Variants in RNF38 observed in about 807,000 individuals in gnomAD.
RNF38 encodes the protein ring finger protein 38.
A neutral mutation model predicts 67.2 loss-of-function variants in RNF38; 15 were observed. That is an observed-to-expected ratio of 0.22 (90% confidence interval 0.15 to 0.34). RNF38 has a LOEUF of 0.34. RNF38 is among the 10% of genes least tolerant of loss of function. RNF38 has a pLI of 1.00. For synonymous variants in RNF38, 220 were observed against 218.8 expected (o/e 1.01, Z -0.05); for missense variants, 524 against 639.9 (o/e 0.82, Z 1.95).
At chr9:36,479,111 T>C (rs904860009) in intron 1 of RNF38, among the ~76,000 whole-genome samples, 3 of 152,174 alleles carry the variant, frequency 2.0e-5, no homozygotes, top group African/African-American at 4.8e-5. Context: ...CGCTCCATTA[T>C]CCACTTTTGG....
upstream of RNF38, among the ~76,000 whole-genome samples, chr9:36,403,513 ACT>A (rs917301507): frequency 1.3e-5 from 2 of 152,150 alleles, no homozygotes; most frequent in African/African-American, 4.8e-5. Context: ...GAGAATTCTG[ACT>A]CTGAGGCTCC....
At chr9:36,454,651 C>T (rs529211422) in intron 1 of RNF38, among the ~76,000 whole-genome samples, 15 of 141,972 alleles carry the variant, frequency 1.1e-4, no homozygotes, top group South Asian at 2.2e-4. Context: ...GGCACAATCT[C>T]GGCTCACTGC....
At chr9:36,343,695 G>T (rs761223284) in intron 10 of RNF38, among the ~76,000 whole-genome samples, 3 of 151,962 alleles carry the variant, frequency 2.0e-5, no homozygotes, top group African/African-American at 7.3e-5. Flanking sequence ...AAAAAAATAT[G>T]ATCTATACAA....
At chr9:36,388,162 G>A (rs59914094) in intron 2 of RNF38, among the ~76,000 whole-genome samples, 3 of 152,012 alleles carry the variant, frequency 2.0e-5, no homozygotes, top group East Asian at 1.9e-4. Flanking sequence ...AGAGATGTAC[G>A]TGAGGCACAA....
chr9:36,456,012 T>G (rs1406291945), intron 1 of RNF38, among the ~76,000 whole-genome samples: 1 of 152,176 alleles, frequency 6.6e-6, no homozygotes, highest in African/African-American at 2.4e-5. Flanking sequence ...CCCATTTCTT[T>G]CTAGCATCAG....
intron 1 of RNF38, among the ~76,000 whole-genome samples, chr9:36,433,523 T>G (rs962979477): frequency 1.3e-5 from 2 of 151,666 alleles, no homozygotes; most frequent in Non-Finnish European, 2.9e-5. Context: ...GCAGATCACT[T>G]GAGGTCAGGA....
intron 4 of RNF38, among the ~76,000 whole-genome samples, chr9:36,368,031 T>C (rs1835108035): frequency 6.6e-6 from 1 of 152,136 alleles, no homozygotes; most frequent in Non-Finnish European, 1.5e-5. Context: ...TTTTGTATTT[T>C]TAGTAGAGAC....
chr9:36,460,483 G>T (rs1425592585), intron 1 of RNF38, among the ~76,000 whole-genome samples: 1 of 152,162 alleles, frequency 6.6e-6, no homozygotes, highest in African/African-American at 2.4e-5. Flanking sequence ...GGTTGATCCA[G>T]AAAGTAAGGT....
chr9:36,393,477 T>TTGTG (rs58913703), intron 1 of RNF38, among the ~76,000 whole-genome samples: 8,788 of 87,404 alleles, frequency 0.1, 400 homozygotes, highest in Middle Eastern at 0.24. Flanking sequence ...CACACACACA[T>TTGTG]TGTGTGTGTG....
intron 1 of RNF38, among the ~76,000 whole-genome samples, chr9:36,463,220 C>T (rs900982595): frequency 6.6e-6 from 1 of 152,090 alleles, no homozygotes; most frequent in East Asian, 1.9e-4. Flanking sequence ...GAGGTTTTAC[C>T]TGCTTTTGTT....
intron 1 of RNF38, among the ~76,000 whole-genome samples, chr9:36,432,341 G>C (rs1354361198): frequency 6.6e-6 from 1 of 151,944 alleles, no homozygotes; most frequent in African/African-American, 2.4e-5. Flanking sequence ...CACTGTGTTG[G>C]CCAGGCTGGT....
intron 9 of RNF38, among the ~76,000 whole-genome samples, chr9:36,350,569 C>T (rs1833621597): frequency 6.6e-6 from 1 of 152,198 alleles, no homozygotes; most frequent in African/African-American, 2.4e-5. Context: ...AGATGAAAAG[C>T]TTATACATTA....
chr9:36,371,477 T>C (rs1168955511), intron 3 of RNF38, among the ~76,000 whole-genome samples: 1 of 145,920 alleles, frequency 6.9e-6, no homozygotes, highest in Non-Finnish European at 1.5e-5. Flanking sequence ...GGTGTTTCAC[T>C]CTTGTCACCC....
intron 9 of RNF38, among the ~76,000 whole-genome samples, chr9:36,346,717 ATAC>A (rs1248390270): frequency 6.6e-6 from 1 of 152,210 alleles, no homozygotes. Flanking sequence ...TTTTATTATG[ATAC>A]TACAACTTTG....
chr9:36,470,466 A>C (rs567800977), intron 1 of RNF38, among the ~76,000 whole-genome samples: 39 of 152,224 alleles, frequency 2.6e-4, no homozygotes, highest in Non-Finnish European at 5.1e-4. Flanking sequence ...TGGGAAAAAC[A>C]GCACTGCATG....
chr9:36,392,932 A>G (rs1837221464), intron 1 of RNF38, among the ~76,000 whole-genome samples: 1 of 152,238 alleles, frequency 6.6e-6, no homozygotes, highest in African/African-American at 2.4e-5. Flanking sequence ...ATTAATGTGA[A>G]GGTAAGAGTT....
chr9:36,347,370 A>G (rs951443096), intron 9 of RNF38, among the ~76,000 whole-genome samples: 6 of 152,192 alleles, frequency 3.9e-5, no homozygotes, highest in African/African-American at 1.2e-4. Context: ...TTTTTAAAAC[A>G]AAAACAAAAA....
chr9:36,365,662 GTTTTTTT>G (rs759974775), intron 4 of RNF38, among the ~76,000 whole-genome samples: 1 of 103,600 alleles, frequency 9.7e-6, no homozygotes, highest in Non-Finnish European at 1.7e-5. Flanking sequence ...AAGACTGATA[GTTTTTTT>G]TTTTTTTTTT....
chr9:36,353,077 T>C, intron 7 of RNF38, 93 bp downstream of exon 7: 2 of 1,145,804 alleles, frequency 1.7e-6, no homozygotes, highest in South Asian at 1.3e-5. Flanking sequence ...AGAATACATA[T>C]AATTCTAAAT....
Sources: gnomAD v4.1 joint callset for allele counts (sites outside exome capture counted in the v4.1 genomes callset) on GRCh38, gnomAD v4.1.1 for gene constraint, MANE v1.5 for transcripts, NCBI Gene and HGNC (gene_info 2026-07-23, HGNC 2026-07-21) for gene names.